SLC9A9: variants seen among roughly 807,000 people sequenced by gnomAD.
The protein encoded by SLC9A9 is solute carrier family 9 member A9.
In SLC9A9, 62 loss-of-function variants were observed where a neutral mutation model predicts 77.8. That is an observed-to-expected ratio of 0.80 (90% confidence interval 0.65 to 0.98). SLC9A9 has a LOEUF of 0.98. Among genes scored for constraint, SLC9A9 ranks in the 50% least tolerant of loss-of-function variants. The pLI is 0.00. For synonymous variants in SLC9A9, 320 were observed against 283.5 expected, an observed-to-expected ratio of 1.13 and a Z score of -1.29; for missense variants, 775 against 774.9, an observed-to-expected ratio of 1.00 and a Z score of 0.00.
chr3:143,820,496 C>T (rs1215964407), intron 2 of SLC9A9, among the ~76,000 whole-genome samples: 1 of 152,182 alleles, frequency 6.6e-6, no homozygotes, highest in East Asian at 1.9e-4. Flanking sequence ...CCTAGATGCC[C>T]AAACTCCAGG....
intron 4 of SLC9A9, among the ~76,000 whole-genome samples, chr3:143,777,543 C>G (rs1227552594): frequency 6.6e-6 from 1 of 152,048 alleles, no homozygotes; most frequent in Non-Finnish European, 1.5e-5. Context: ...CTTTTTAAAG[C>G]TATAACATAA....
chr3:143,789,082 C>T (rs1208429492), intron 4 of SLC9A9, among the ~76,000 whole-genome samples: 2 of 152,114 alleles, frequency 1.3e-5, no homozygotes, highest in South Asian at 2.1e-4. Flanking sequence ...GACTCTAAAA[C>T]TCAGCACATC....
chr3:143,706,058 A>T (rs1933965136), intron 4 of SLC9A9, among the ~76,000 whole-genome samples: 1 of 152,236 alleles, frequency 6.6e-6, no homozygotes, highest in African/African-American at 2.4e-5. Flanking sequence ...AATTTTAAAA[A>T]TACAGCCAGG....
At chr3:143,523,468 TC>T (rs2036352848) in intron 9 of SLC9A9, among the ~76,000 whole-genome samples, 1 of 152,176 alleles carries the variant, frequency 6.6e-6, no homozygotes, top group African/African-American at 2.4e-5. Context: ...TAATCACTCC[TC>T]CTCATAACTT....
intron 12 of SLC9A9, among the ~76,000 whole-genome samples, chr3:143,385,980 G>A (rs2033414661): frequency 6.6e-6 from 1 of 152,130 alleles, no homozygotes; most frequent in Non-Finnish European, 1.5e-5. Flanking sequence ...CAAACTCCAG[G>A]CTGGTATTTT....
chr3:143,285,589 G>T (rs901952056), intron 14 of SLC9A9, among the ~76,000 whole-genome samples: 3 of 152,120 alleles, frequency 2.0e-5, no homozygotes, highest in Non-Finnish European at 4.4e-5. Context: ...AGAGTTTACA[G>T]AGCCTCCTCT....
intron 14 of SLC9A9, among the ~76,000 whole-genome samples, chr3:143,321,755 TAG>T (rs1215862338): frequency 6.6e-6 from 1 of 152,250 alleles, no homozygotes; most frequent in African/African-American, 2.4e-5. Flanking sequence ...AATTCAAATA[TAG>T]AGGGAATATC....
intron 14 of SLC9A9, among the ~76,000 whole-genome samples, chr3:143,285,980 G>A (rs1938370278): frequency 6.6e-6 from 1 of 152,114 alleles, no homozygotes; most frequent in Non-Finnish European, 1.5e-5. Context: ...ATACAGTTGA[G>A]GAAGTATGGG....
At chr3:143,431,301 C>T (rs1486207909) in intron 12 of SLC9A9, among the ~76,000 whole-genome samples, 3 of 152,186 alleles carry the variant, frequency 2.0e-5, no homozygotes, top group Non-Finnish European at 4.4e-5. Context: ...CACTATAGCA[C>T]ATAGAACCAT....
chr3:143,761,481 C>T (rs191078694), intron 4 of SLC9A9, among the ~76,000 whole-genome samples: 67 of 152,056 alleles, frequency 4.4e-4, no homozygotes, highest in African/African-American at 1.5e-3. Context: ...ACAATGAACT[C>T]AAACAAATTT....
chr3:143,271,644 G>T (rs1937902739), intron 14 of SLC9A9, among the ~76,000 whole-genome samples: 2 of 152,170 alleles, frequency 1.3e-5, no homozygotes, highest in South Asian at 2.1e-4. Flanking sequence ...TTTTAAGGTG[G>T]TTCTATACCC....
intron 14 of SLC9A9, among the ~76,000 whole-genome samples, chr3:143,295,140 A>G (rs2030205383): frequency 6.6e-6 from 1 of 152,226 alleles, no homozygotes; most frequent in Non-Finnish European, 1.5e-5. Context: ...AGGAGAGTTT[A>G]TGTAAAAATC....
intron 11 of SLC9A9, among the ~76,000 whole-genome samples, chr3:143,483,153 A>T (rs866961976): frequency 1.8e-4 from 27 of 152,250 alleles, no homozygotes; most frequent in African/African-American, 6.3e-4. Flanking sequence ...GTTGACACCC[A>T]TGTGGCATTT....
intron 4 of SLC9A9, among the ~76,000 whole-genome samples, chr3:143,693,613 A>G (rs1933543813): frequency 6.6e-6 from 1 of 152,210 alleles, no homozygotes; most frequent in South Asian, 2.1e-4. Context: ...GGCACAGCAA[A>G]TCATATCCAA....
intron 5 of SLC9A9, among the ~76,000 whole-genome samples, chr3:143,684,015 T>A (rs1377666763): frequency 6.6e-6 from 1 of 151,264 alleles, no homozygotes; most frequent in Admixed American, 6.6e-5. Flanking sequence ...ACATATTATC[T>A]TATTTAATCC....
intron 4 of SLC9A9, among the ~76,000 whole-genome samples, chr3:143,708,415 C>T (rs975603351): frequency 6.6e-6 from 1 of 152,146 alleles, no homozygotes; most frequent in African/African-American, 2.4e-5. Context: ...AACTGGCCAG[C>T]CTGCACCACC....
intron 12 of SLC9A9, among the ~76,000 whole-genome samples, chr3:143,420,520 G>T (rs1467739869): frequency 1.3e-5 from 2 of 152,178 alleles, no homozygotes; most frequent in Non-Finnish European, 2.9e-5. Flanking sequence ...ATCTTTTGAA[G>T]ATTATCACTG....
At chr3:143,562,780 C>T (rs893499634) in intron 8 of SLC9A9, among the ~76,000 whole-genome samples, 13 of 151,678 alleles carry the variant, frequency 8.6e-5, no homozygotes, top group African/African-American at 3.1e-4. Flanking sequence ...CTTTACATGT[C>T]CAAGATCTTA....
At chr3:143,311,743 G>T (rs1456795163) in intron 14 of SLC9A9, among the ~76,000 whole-genome samples, 2 of 152,186 alleles carry the variant, frequency 1.3e-5, no homozygotes, top group African/African-American at 4.8e-5. Context: ...CAAGGGCGGG[G>T]AGAAGAACTA....
Sources: allele counts gnomAD v4.1 joint callset (sites outside exome capture counted in the v4.1 genomes callset), GRCh38; gene constraint gnomAD v4.1.1; transcripts MANE v1.5; gene names NCBI Gene and HGNC (gene_info 2026-07-23, HGNC 2026-07-21).